STARD9: variants seen among roughly 807,000 people sequenced by gnomAD.
STARD9 encodes the protein StAR related lipid transfer domain containing 9.
In STARD9, 346 loss-of-function variants were observed where a neutral mutation model predicts 399.8. The ratio of observed to expected loss-of-function variants is 0.87; its 90% confidence interval spans 0.79 to 0.95. The LOEUF (loss-of-function observed/expected upper bound fraction) is 0.95, where lower values mean the gene tolerates loss of function less well. STARD9 is among the 40% of genes least tolerant of loss of function. The pLI is 0.00. For missense variants in STARD9, 5,832 were observed against 5,667.5 expected (o/e 1.03, Z -0.93); for synonymous variants, 2,203 against 2,143.5 (o/e 1.03, Z -0.77).
rs2060764665 is a variant in STARD9, at chr15:42,693,421, T to A, written c.11843T>A (p.Met3948Lys). Residue 3948 changes from methionine (M) to lysine (K), a missense_variant, in exon 23 of 33, where the codon ATG becomes AAG. Met to Lys is a moderately conservative substitution (Grantham distance 95). Coordinates refer to ENST00000290607, the MANE Select transcript of STARD9 (RefSeq NM_020759.3). Reference sequence around the variant, plus strand: ...CCTGTTGATGCCCCAAGGACTCCAATGGATAATTATTCCCAAACCACTGAC... The same window carrying A: ...CCTGTTGATGCCCCAAGGACTCCAAAGGATAATTATTCCCAAACCACTGAC... Reference protein sequence around the residue: ...PDPVDAPRTPMDNYSQTTDEL... With the variant: ...PDPVDAPRTPKDNYSQTTDEL... The A allele has an allele frequency of 2.6e-6, 4 of 1,537,066 alleles. No individual in the cohort carries two copies. Among genetic ancestry groups the A allele is most frequent in the Middle Eastern group, 1.7e-4 (1 of 6,012 alleles).
chr15:42,694,089 T>G lies in STARD9; in HGVS notation c.12511T>G (p.Ser4171Ala), dbSNP rs780787412. ...EELGASGDLSSEKQEQSPPQP... is the reference protein window; with the variant it reads ...EELGASGDLSAEKQEQSPPQP... ...GCTGGGGGCCAGCGGTGATCTCAGC[T>G]CTGAAAAGCAGGAACAGAGTCCCCC... Residue 4171 changes from serine (S) to alanine (A), a missense_variant, in exon 23 of 33, where the codon TCT becomes GCT. Ser to Ala is a moderately conservative substitution (Grantham distance 99). This residue lies in a region of STARD9 where 5,828 missense variants were observed against 5,651.1 expected (regional missense o/e 1.03). Coordinates refer to ENST00000290607, the MANE Select transcript of STARD9 (RefSeq NM_020759.3). 3.3e-6 allele frequency: 5 copies of G among 1,536,894 alleles called. No individual in the cohort carries two copies. Among genetic ancestry groups the G allele is most frequent in the African/African-American group, 1.4e-5 (1 of 73,016 alleles).
chr15:42,619,039 A>G (rs1338017021), intron 3 of STARD9, among the ~76,000 whole-genome samples: 1 of 151,582 alleles, frequency 6.6e-6, no homozygotes, highest in Non-Finnish European at 1.5e-5. Flanking sequence ...TGTTAATTTC[A>G]GTTTTTACTC....
chr15:42,617,398 T>G lies in STARD9; in HGVS notation c.235-17458T>G, dbSNP rs77736048. On this transcript the variant is annotated intron_variant, in intron 3 of 32. Coordinates refer to ENST00000290607, the MANE Select transcript of STARD9 (RefSeq NM_020759.3). The stretch of plus-strand genomic sequence containing the variant: ...TTCTTTGGAGACAGAGTTTTGCTCT[T>G]CTTGTCCAGGCTGGAGTACAGTGGC... Among the ~76,000 whole-genome samples, 243 of 152,310 alleles carry G rather than the reference T, an allele frequency of 1.6e-3. 2 individuals are homozygous for G. Among genetic ancestry groups the G allele is most frequent in the Non-Finnish European group, 1.9e-3 (127 of 68,030 alleles).
chr15:42,632,943 T>G (rs1468636109), intron 3 of STARD9, among the ~76,000 whole-genome samples: 2 of 152,070 alleles, frequency 1.3e-5, no homozygotes, highest in Non-Finnish European at 2.9e-5. Context: ...AGGAGTTCAG[T>G]ACCAGTCTGG....
intron 20 of STARD9, among the ~76,000 whole-genome samples, 172 bp from the exon 21 acceptor site, chr15:42,681,250 A>G (rs1376935623): frequency 1.3e-5 from 2 of 152,138 alleles, no homozygotes; most frequent in Non-Finnish European, 2.9e-5. Context: ...GCACTGTGAC[A>G]TCGTAAGCTG....
rs1466761234 is a variant in STARD9 at position 42,686,071 on chromosome 15, C to G, written c.4493C>G (p.Pro1498Arg). The G allele has an allele frequency of 1.3e-6, 2 of 1,537,224 alleles. No individual in the cohort carries two copies. Among genetic ancestry groups the G allele is most frequent in the Non-Finnish European group, 1.7e-6 (2 of 1,146,886 alleles). ...QQKYLLELSCPVLEAIGAPKP... is the reference protein window; with the variant it reads ...QQKYLLELSCRVLEAIGAPKP... ...AAGTACCTCCTTGAACTCTCTTGTC[C>G]TGTTTTGGAGGCCATAGGAGCACCC... The change falls in exon 23 of 33, where the codon CCT becomes CGT. Residue 1498 changes from proline (P) to arginine (R), a missense_variant. Transcript: ENST00000290607.
chr15:42,688,196 G>A lies in STARD9; in HGVS notation c.6618G>A (p.Leu2206=). Residue 2206 remains leucine (L), a synonymous_variant, in exon 23 of 33, where the codon TTG becomes TTA. Transcript: ENST00000290607. ...TSLHPQRMKA[L]ARALPLQPRL... ...TTCACCCACAGAGAATGAAAGCATT[G>A]GCTAGAGCTCTGCCATTGCAACCCA... 2.0e-6 allele frequency: 3 copies of A among 1,537,442 alleles called. No homozygotes were observed. The East Asian group carries it at 7.3e-5, about 38-fold the overall frequency.
chr15:42,712,090 T>TAAAAATATAAA (rs1322176052), intron 26 of STARD9, among the ~76,000 whole-genome samples: 1 of 6,132 alleles, frequency 1.6e-4, no homozygotes, highest in African/African-American at 9.0e-4. Context: ...ATTATATATA[T>TAAAAATATAAA]ATATATAATA....
chr15:42,687,235 G>A lies in STARD9; in HGVS notation c.5657G>A (p.Gly1886Glu). Residue 1886 changes from glycine to glutamate, a missense_variant, in exon 23 of 33, where the codon GGA (glycine) becomes GAA (glutamate). Coordinates refer to ENST00000290607, the MANE Select transcript of STARD9 (RefSeq NM_020759.3). ...NKKHSFPALE[G>E]GEVTAQSCCG... ...AAACACAGTTTTCCAGCACTTGAGG[G>A]AGGAGAGGTCACTGCTCAGTCCTGT... The A allele has an allele frequency of 1.3e-6, 2 of 1,537,192 alleles. No individual in the cohort carries two copies. Among genetic ancestry groups the A allele is most frequent in the Non-Finnish European group, 8.7e-7 (1 of 1,146,956 alleles).
intron 24 of STARD9, among the ~76,000 whole-genome samples, 187 bp downstream of exon 24, chr15:42,694,912 A>G (rs2060807998): frequency 6.6e-6 from 1 of 152,220 alleles, no homozygotes; most frequent in Non-Finnish European, 1.5e-5. Flanking sequence ...AATGATGGAC[A>G]GAAGGGCTCT....
chr15:42,581,425 C>CGGTGTGGGTGGGGAAGGCGCG, intron 1 of STARD9: 2 of 1,524,848 alleles, frequency 1.3e-6, no homozygotes, highest in South Asian at 2.3e-5. Flanking sequence ...CTGATGGCCA[C>CGGTGTGGGTGGGGAAGGCGCG]GGTGTGGGTG....
intron 3 of STARD9, among the ~76,000 whole-genome samples, chr15:42,621,235 A>G (rs1472196481): frequency 6.6e-6 from 1 of 152,096 alleles, no homozygotes; most frequent in Admixed American, 6.6e-5. Flanking sequence ...GTATTTAATA[A>G]ATATTTTGTA....
chr15:42,613,933 C>T (rs1026046813), intron 3 of STARD9, among the ~76,000 whole-genome samples: 2 of 151,854 alleles, frequency 1.3e-5, no homozygotes, highest in African/African-American at 2.4e-5. Context: ...CCACTGCACT[C>T]CAACCTGGGT....
chr15:42,696,016 A>G (rs2060839709), intron 26 of STARD9, 136 bp downstream of exon 26: 1 of 867,032 alleles, frequency 1.2e-6, no homozygotes, highest in African/African-American at 1.7e-5. Context: ...AGCCCTTCTT[A>G]TGTGCAGGCC....
chr15:42,709,273 G>T (rs2061158586), intron 26 of STARD9, among the ~76,000 whole-genome samples: 2 of 152,044 alleles, frequency 1.3e-5, no homozygotes, highest in Admixed American at 1.3e-4. Context: ...GCATGCCTGT[G>T]GTCCCAGCTA....
rs1273420295 is a variant in STARD9 at position 42,718,883 on chromosome 15, A to C, written c.13974A>C (p.Glu4658Asp). ...ILQPITVEGK[E>D]VTRVIYLAQV... ...AGCCCATCACTGTGGAAGGGAAGGA[A>C]GTCACCAGAGTCATCTACTTGGCCC... is the stretch of plus-strand genomic sequence containing the variant. Residue 4658 changes from glutamate (E) to aspartate (D), a missense_variant, in exon 32 of 33, where the codon GAA becomes GAC. Coordinates refer to ENST00000290607, the MANE Select transcript of STARD9 (RefSeq NM_020759.3). The C allele has an allele frequency of 6.5e-7, 1 of 1,537,220 alleles. No homozygotes were observed. Among genetic ancestry groups the C allele is most frequent in the South Asian group, 1.2e-5 (1 of 84,062 alleles).
intron 3 of STARD9, among the ~76,000 whole-genome samples, chr15:42,605,890 C>A (rs1233793618): frequency 6.6e-6 from 1 of 152,174 alleles, no homozygotes; most frequent in African/African-American, 2.4e-5. Context: ...ATGTTTAAAG[C>A]ACAAACATGT....
At chr15:42,643,437 C>T (rs2059580420) in intron 7 of STARD9, among the ~76,000 whole-genome samples, 1 of 152,064 alleles carries the variant, frequency 6.6e-6, no homozygotes, top group South Asian at 2.1e-4. Flanking sequence ...CTCAGGTGAT[C>T]CACCTGCCTT....
intron 20 of STARD9, among the ~76,000 whole-genome samples, chr15:42,680,856 G>A (rs568164486): frequency 6.6e-6 from 1 of 152,088 alleles, no homozygotes; most frequent in Non-Finnish European, 1.5e-5. Context: ...AACAGCTCTG[G>A]AGTGGAGACC....
Sources: gnomAD v4.1 joint callset for allele counts (sites outside exome capture counted in the v4.1 genomes callset) on GRCh38, gnomAD v4.1.1 for gene constraint, gnomAD v4.1.1 regional missense constraint, MANE v1.5 for transcripts, NCBI Gene and HGNC (gene_info 2026-07-23, HGNC 2026-07-21) for gene names.